Variants in TRPC6 observed in about 807,000 individuals in gnomAD.
TRPC6 encodes short transient receptor potential channel 6.
TRPC6 carries 55 observed loss-of-function variants against 90.7 expected under a neutral mutation model. The observed-to-expected ratio is 0.61, with a 90% CI of 0.49 to 0.76. The LOEUF (loss-of-function observed/expected upper bound fraction) is 0.76. Ranked by LOEUF, TRPC6 falls within the 30% of genes least tolerant of loss-of-function variation. The pLI, the probability that TRPC6 is intolerant of heterozygous loss-of-function variation, is 0.00. For missense variants in TRPC6, 989 were observed against 1,122.7 expected, an observed-to-expected ratio of 0.88 and a Z score of 1.70; for synonymous variants, 393 against 393.0, an observed-to-expected ratio of 1.00 and a Z score of 0.00.
intron 1 of TRPC6, among the ~76,000 whole-genome samples, chr11:101,558,043 A>G (rs947592870): frequency 3.9e-5 from 6 of 152,030 alleles, no homozygotes; most frequent in Admixed American, 3.3e-4. Context: ...TAAAATTCAT[A>G]TGGAACTGCA....
At chr11:101,468,177 A>G (rs1309649791) in intron 10 of TRPC6, among the ~76,000 whole-genome samples, 1 of 152,080 alleles carries the variant, frequency 6.6e-6, no homozygotes, top group Non-Finnish European at 1.5e-5. Flanking sequence ...TCTCTCATCC[A>G]CATGTTACCT....
chr11:101,497,327 T>C (rs570576154), intron 2 of TRPC6, among the ~76,000 whole-genome samples: 19 of 152,352 alleles, frequency 1.2e-4, no homozygotes, highest in Admixed American at 6.5e-4. Flanking sequence ...CCTCGCAGAC[T>C]ATTTTGCTTG....
rs1384834600 is a variant in TRPC6 at position 101,504,220 on chromosome 11, T to A, written c.749A>T (p.Asp250Val). The A allele has an allele frequency of 6.2e-6, 10 of 1,614,008 alleles. No homozygotes were observed. The highest frequency in any genetic ancestry group is 8.5e-6 in the Non-Finnish European group (10 of 1,180,012). ...GCAGTCATTGCACTTGCAGAAATAATCATGAGGCCGTTCAATCCTAGCACC... is the reference window on the plus strand; with the variant it reads ...GCAGTCATTGCACTTGCAGAAATAAACATGAGGCCGTTCAATCCTAGCACC... Reference protein sequence around the residue: ...RKGARIERPHDYFCKCNDCNQ... With the variant: ...RKGARIERPHVYFCKCNDCNQ... The change falls in exon 2 of 13, where the codon GAT (aspartate) becomes GTT (valine). Residue 250 changes from aspartate (D) to valine (V), a missense_variant. Physicochemically the swap from Asp to Val is radical, Grantham distance 152. This residue lies in a region of TRPC6 where 486 missense variants were observed against 591.9 expected (regional missense o/e 0.82). Transcript: ENST00000344327.
intron 1 of TRPC6, among the ~76,000 whole-genome samples, chr11:101,527,218 T>C (rs532157275): frequency 6.6e-6 from 1 of 152,302 alleles, no homozygotes; most frequent in South Asian, 2.1e-4. Context: ...AAATACCAAA[T>C]AGGGTTTCTT....
chr11:101,472,091 G>T, intron 8 of TRPC6, 46 bp downstream of exon 8: 1 of 1,585,710 alleles, frequency 6.3e-7, no homozygotes, highest in Non-Finnish European at 8.6e-7. Flanking sequence ...CCTTGGAATA[G>T]TTAAAACATG....
chr11:101,508,973 T>A (rs1157525790), intron 1 of TRPC6, among the ~76,000 whole-genome samples: 1 of 152,034 alleles, frequency 6.6e-6, no homozygotes, highest in Non-Finnish European at 1.5e-5. Context: ...TGGATTTAAA[T>A]TTTTTTACAG....
At chr11:101,498,297 G>A (rs924536821) in intron 2 of TRPC6, among the ~76,000 whole-genome samples, 2 of 152,084 alleles carry the variant, frequency 1.3e-5, no homozygotes, top group African/African-American at 4.8e-5. Flanking sequence ...TATTTATAAA[G>A]ATTCAATATA....
At chr11:101,487,212 A>G (rs1859696719) in intron 4 of TRPC6, among the ~76,000 whole-genome samples, 1 of 152,152 alleles carries the variant, frequency 6.6e-6, no homozygotes, top group Non-Finnish European at 1.5e-5. Context: ...AGTTTAGGAA[A>G]GAGATTATAA....
Position 101,509,569 on chromosome 11 carries a change from C to T in TRPC6, c.171-4771G>A, listed in dbSNP as rs928871820. Among the ~76,000 whole-genome samples the T allele has an allele frequency of 1.6e-4, 25 of 152,100 alleles. 1 individual carries two copies. The highest frequency in any genetic ancestry group is 5.6e-4 in the African/African-American group (23 of 41,388). ...TATTCTAAGATTTTAAAATAACAATCTATGACTTTCCTGCCCATTTATTTG... is the reference window on the plus strand; with the variant it reads ...TATTCTAAGATTTTAAAATAACAATTTATGACTTTCCTGCCCATTTATTTG... On this transcript the variant is annotated intron_variant, in intron 1 of 12. Coordinates refer to ENST00000344327, the MANE Select transcript of TRPC6 (RefSeq NM_004621.6).
intron 1 of TRPC6, among the ~76,000 whole-genome samples, chr11:101,573,920 A>AAGTGTGTG: frequency 1.6e-5 from 1 of 63,848 alleles, no homozygotes; most frequent in East Asian, 3.3e-4. Context: ...AGAAACAAAT[A>AAGTGTGTG]CGTGTGTGTG....
At chr11:101,486,064 G>GGTTT (rs1234885887) in intron 4 of TRPC6, among the ~76,000 whole-genome samples, 1 of 148,530 alleles carries the variant, frequency 6.7e-6, no homozygotes, top group Non-Finnish European at 1.5e-5. Flanking sequence ...GGTATTTCTT[G>GGTTT]GTTTGTTTGT....
intron 2 of TRPC6, among the ~76,000 whole-genome samples, chr11:101,499,107 TGA>T (rs1860025651): frequency 6.6e-6 from 1 of 152,086 alleles, no homozygotes; most frequent in South Asian, 2.1e-4. Flanking sequence ...GCTTCTTGAG[TGA>T]GAGTCCAGAA....
chr11:101,453,137 T>C (rs1175381625), intron 12 of TRPC6, 31 bp from the exon 13 acceptor site: 1 of 1,608,548 alleles, frequency 6.2e-7, no homozygotes, highest in East Asian at 2.2e-5. Flanking sequence ...AGAAGTCAAC[T>C]ATAAATACGC....
At chr11:101,472,477 T>C (rs1859315505) in intron 7 of TRPC6, 145 bp from the exon 8 acceptor site, 1 of 745,488 alleles carries the variant, frequency 1.3e-6, no homozygotes, top group Non-Finnish European at 2.2e-6. Flanking sequence ...CACTTTTCTT[T>C]TCTGTAAAAT....
At chr11:101,579,382 A>G (rs946039126) in intron 1 of TRPC6, among the ~76,000 whole-genome samples, 1 of 152,122 alleles carries the variant, frequency 6.6e-6, no homozygotes, top group Non-Finnish European at 1.5e-5. Flanking sequence ...TCAACTTTTT[A>G]AAAAATCCAC....
At chr11:101,558,746 A>G (rs1249486215) in intron 1 of TRPC6, among the ~76,000 whole-genome samples, 1 of 152,144 alleles carries the variant, frequency 6.6e-6, no homozygotes, top group Non-Finnish European at 1.5e-5. Flanking sequence ...AAAGGTGCCA[A>G]GAATACACAA....
chr11:101,524,589 T>A (rs1860736035), intron 1 of TRPC6, among the ~76,000 whole-genome samples: 1 of 152,248 alleles, frequency 6.6e-6, no homozygotes, highest in South Asian at 2.1e-4. Flanking sequence ...ATCACAAATG[T>A]AATTCTACCG....
chr11:101,484,897 T>C (rs1202551998), intron 4 of TRPC6, among the ~76,000 whole-genome samples: 1 of 152,086 alleles, frequency 6.6e-6, no homozygotes, highest in Non-Finnish European at 1.5e-5. Flanking sequence ...TATATAGTGA[T>C]GTGTCAATAC....
chr11:101,509,519 AG>A (rs1860351310), intron 1 of TRPC6, among the ~76,000 whole-genome samples: 1 of 152,202 alleles, frequency 6.6e-6, no homozygotes, highest in African/African-American at 2.4e-5. Context: ...TGAGCTAAAT[AG>A]AATGTCTGAG....
Sources: allele counts gnomAD v4.1 joint callset (sites outside exome capture counted in the v4.1 genomes callset), GRCh38; gene constraint gnomAD v4.1.1; regional missense constraint gnomAD v4.1.1; transcripts MANE v1.5; gene names NCBI Gene and HGNC (gene_info 2026-07-23, HGNC 2026-07-21).